Variants in BTBD3 observed in about 807,000 individuals in gnomAD.
The protein encoded by BTBD3 is BTB domain containing 3, also known as BTB/POZ domain-containing protein 3.
A neutral mutation model predicts 41.6 loss-of-function variants in BTBD3; 14 were observed. The observed-to-expected ratio is 0.34, with a 90% CI of 0.22 to 0.53. BTBD3 has a LOEUF of 0.53. BTBD3 is among the 20% of genes least tolerant of loss of function. The pLI, the probability that BTBD3 is intolerant of heterozygous loss-of-function variation, is 0.95. For missense variants in BTBD3, 426 were observed against 654.7 expected (o/e 0.65, Z 3.81); for synonymous variants, 249 against 233.7 (o/e 1.07, Z -0.60).
intron 3 of BTBD3, chr20:11,921,770 T>G (rs929503605): frequency 6.6e-6 from 1 of 152,190 alleles, no homozygotes; most frequent in African/African-American, 2.4e-5. Context: ...TTCACTAAGG[T>G]GAAATACAAT....
At chr20:11,906,254 C>CTTTTTTTTTTTTTTTT (rs3071747) in intron 1 of BTBD3, among the ~76,000 whole-genome samples, 554 of 36,238 alleles carry the variant, frequency 0.015, 152 homozygotes, top group Non-Finnish European at 0.019. Context: ...ATTATTACTC[C>CTTTTTTTTTTTTTTTT]TTTTTTTTTT....
At chr20:11,915,598 A>G (rs547775880), upstream of BTBD3, among the ~76,000 whole-genome samples, 252 of 152,230 alleles carry the variant, frequency 1.7e-3, no homozygotes, top group African/African-American at 5.7e-3. Context: ...TGATCCTTCA[A>G]CTACATTTTC....
rs139514711 is a variant in BTBD3 at position 11,919,793 on chromosome 20, C to T, written c.493C>T (p.Arg165Cys). The change falls in exon 3 of 4, where the codon CGT (arginine) becomes TGT (cysteine). Residue 165 changes from arginine to cysteine, a missense_variant. Transcript: ENST00000378226. ...ACTTGCAGAGGACAAAGATGAAATC[C>T]GTATACCAGATGTCGAACCTGCTGC... Reference protein sequence around the residue: ...GELAEDKDEIRIPDVEPAAFL... With the variant: ...GELAEDKDEICIPDVEPAAFL... 448 of 1,614,096 alleles carry T rather than the reference C, an allele frequency of 2.8e-4. No homozygotes were observed. Among genetic ancestry groups the T allele is most frequent in the Middle Eastern group, 3.3e-4 (2 of 6,062 alleles).
At chr20:11,919,032 G>A in intron 1 of BTBD3, 54 bp from the exon 2 acceptor site, 1 of 1,332,550 alleles carries the variant, frequency 7.5e-7, no homozygotes, top group Non-Finnish European at 1.1e-6. Context: ...TGTTGGGGAA[G>A]GGGATGTTAA....
intron 1 of BTBD3, among the ~76,000 whole-genome samples, chr20:11,907,351 C>G (rs1214735259): frequency 2.0e-5 from 3 of 152,182 alleles, no homozygotes; most frequent in Non-Finnish European, 4.4e-5. Context: ...TCCACTCTAC[C>G]TAGTCTAAGC....
At position 11,923,577 on chromosome 20, in the gene BTBD3, G is replaced by C; in HGVS notation, c.1480G>C (p.Val494Leu). Residue 494 changes from valine to leucine, a missense_variant, in exon 4 of 4, where the codon GTG becomes CTG. This residue lies in a region of BTBD3 where 321 missense variants were observed against 534.8 expected (regional missense o/e 0.60). Coordinates refer to ENST00000378226, the MANE Select transcript of BTBD3 (RefSeq NM_014962.4). The surrounding 1 kb of genome is among the most constrained non-coding windows in gnomAD (Gnocchi z 5.3). ...CATGACAGAAGTTCAGTGTGGCAAAGTGACTGTCCAGTTTCAGTGCTCCTC... is the reference window on the plus strand; with the variant it reads ...CATGACAGAAGTTCAGTGTGGCAAACTGACTGTCCAGTTTCAGTGCTCCTC... The part of the protein sequence containing the change: ...EGMTEVQCGK[V>L]TVQFQCSSDS... 6.2e-7 allele frequency: 1 copy of C among 1,614,206 alleles called. No individual in the cohort carries two copies. The highest frequency in any genetic ancestry group is 8.5e-7 in the Non-Finnish European group (1 of 1,180,040).
intron 1 of BTBD3, among the ~76,000 whole-genome samples, chr20:11,897,484 C>CAAAAAAAAAAAA (rs71186168): frequency 3.1e-5 from 2 of 65,372 alleles, no homozygotes; most frequent in Non-Finnish European, 2.7e-5. Flanking sequence ...GTTATTTAAG[C>CAAAAAAAAAAAA]AAAAAAAAAA....
At chr20:11,910,932 T>C (rs1025153617) in intron 1 of BTBD3, among the ~76,000 whole-genome samples, 2 of 152,242 alleles carry the variant, frequency 1.3e-5, no homozygotes, top group African/African-American at 4.8e-5. Context: ...TTATATACTT[T>C]ATCAAATAAC....
intron 1 of BTBD3, among the ~76,000 whole-genome samples, chr20:11,912,568 A>G (rs1407051775): frequency 2.6e-5 from 4 of 152,204 alleles, no homozygotes; most frequent in East Asian, 1.9e-4. Context: ...GCAGTCTGAA[A>G]AGAGTACAAG....
Position 11,923,350 on chromosome 20 carries a change from G to C in BTBD3, c.1253G>C (p.Gly418Ala). Reference sequence around the variant, plus strand: ...TTTGGGCTGTATGGCTCCAGCTGTGGTTCTGCAGAATACAGTGCCAAGATT... The same window carrying C: ...TTTGGGCTGTATGGCTCCAGCTGTGCTTCTGCAGAATACAGTGCCAAGATT... ...AGFGLYGSSC[G>A]SAEYSAKIEL... Residue 418 changes from glycine (G) to alanine (A), a missense_variant, in exon 4 of 4, where the codon GGT (glycine) becomes GCT (alanine). Coordinates refer to ENST00000378226, the MANE Select transcript of BTBD3 (RefSeq NM_014962.4). This position sits in a 1 kb window ranked among gnomAD's most constrained non-coding sequence, Gnocchi z 5.3. 2 of 1,614,220 alleles carry C rather than the reference G, an allele frequency of 1.2e-6. No homozygotes were observed. The highest frequency in any genetic ancestry group is 2.2e-5 in the East Asian group (1 of 44,880).
At chr20:11,921,567 G>A (rs1449832621) in intron 3 of BTBD3, 2 of 152,228 alleles carry the variant, frequency 1.3e-5, no homozygotes, top group Non-Finnish European at 2.9e-5. Flanking sequence ...CTCACAGTCA[G>A]AGCATCACTG....
Position 11,922,780 on chromosome 20 carries a change from T to C in BTBD3, c.683T>C (p.Leu228Pro). Residue 228 changes from leucine (L) to proline (P), a missense_variant, in exon 4 of 4, where the codon CTC becomes CCC. This residue lies in a region of BTBD3 where 321 missense variants were observed against 534.8 expected (regional missense o/e 0.60). Transcript: ENST00000378226. ...CTGAGTGCCAAGAATGCCTGTGTGC[T>C]CCTCTCCCAGAGCTGCCTGTTCGAG... is the stretch of plus-strand genomic sequence containing the variant. ...TSLSAKNACV[L>P]LSQSCLFEEP... 6.2e-7 allele frequency: 1 copy of C among 1,614,194 alleles called. No individual in the cohort carries two copies. Among genetic ancestry groups the C allele is most frequent in the Non-Finnish European group, 8.5e-7 (1 of 1,180,032 alleles).
At chr20:11,920,181 T>C (rs1213375672) in intron 3 of BTBD3, among the ~76,000 whole-genome samples, 2 of 152,228 alleles carry the variant, frequency 1.3e-5, no homozygotes, top group Non-Finnish European at 2.9e-5. Flanking sequence ...GAAAAAGTCT[T>C]TAAACAAATG....
chr20:11,895,039 C>G (rs908088017), intron 1 of BTBD3, among the ~76,000 whole-genome samples: 5 of 152,288 alleles, frequency 3.3e-5, no homozygotes, highest in Admixed American at 2.6e-4. Context: ...CGCTCCTATA[C>G]CGCCGCTGCC....
chr20:11,903,414 C>A (rs994995183), intron 1 of BTBD3, among the ~76,000 whole-genome samples: 1 of 152,098 alleles, frequency 6.6e-6, no homozygotes, highest in Non-Finnish European at 1.5e-5. Flanking sequence ...TGTTTTCTTG[C>A]TGGTTTATGT....
At chr20:11,916,769 G>C (rs1054442204), upstream of BTBD3, among the ~76,000 whole-genome samples, 4 of 152,142 alleles carry the variant, frequency 2.6e-5, no homozygotes, top group Non-Finnish European at 5.9e-5. Context: ...TTTGCCTGAG[G>C]GGTAGCAAAT....
At chr20:11,919,203 A>C (rs2056943677) in intron 2 of BTBD3, 27 bp downstream of exon 2, 1 of 1,595,150 alleles carries the variant, frequency 6.3e-7, no homozygotes, top group Non-Finnish European at 8.6e-7. Context: ...TGACCGGTTT[A>C]GTCCTGACGT....
upstream of BTBD3, among the ~76,000 whole-genome samples, chr20:11,916,542 G>A (rs1257206330): frequency 4.6e-5 from 7 of 152,072 alleles, no homozygotes; most frequent in African/African-American, 1.7e-4. Flanking sequence ...CTTTGCAAAT[G>A]GTTTTAAGAA....
chr20:11,921,543 C>A lies in BTBD3; in HGVS notation c.537-1091C>A, dbSNP rs1440231000. ...AGTGCTGACCATGCTCTAGGATCCT[C>A]CCCAGGGTCCTGGCTCACAGTCAGA... On this transcript the variant is annotated intron_variant, in intron 3 of 3. Coordinates refer to ENST00000378226, the MANE Select transcript of BTBD3 (RefSeq NM_014962.4). The A allele has an allele frequency of 2.0e-5, 3 of 152,192 alleles. No individual in the cohort carries two copies. The East Asian group carries it at 5.8e-4, about 29-fold the overall frequency. The allele number at this position is 152,192 out of a possible 1,614,324, so 9.4% of individuals were successfully genotyped here. A position where few individuals can be genotyped will look rare whatever the true frequency, so the allele number is the denominator to read the frequency against.
Sources: gnomAD v4.1 joint callset for allele counts (sites outside exome capture counted in the v4.1 genomes callset) on GRCh38, gnomAD v4.1.1 for gene constraint, gnomAD v4.1.1 regional missense constraint, Gnocchi (gnomAD v3.1) non-coding constraint, MANE v1.5 for transcripts, NCBI Gene and HGNC (gene_info 2026-07-23, HGNC 2026-07-21) for gene names.